The following SGCG variants were observed in gnomAD, a reference collection of about 807,000 sequenced individuals.
SGCG encodes the protein gamma-sarcoglycan.
SGCG carries 26 observed loss-of-function variants against 29.3 expected under a neutral mutation model. The ratio of observed to expected loss-of-function variants is 0.89; its 90% CI spans 0.65 to 1.23. The LOEUF (loss-of-function observed/expected upper bound fraction) is 1.23. Among genes scored for constraint, SGCG ranks in the 50% most tolerant of loss-of-function variants. SGCG has a pLI of 0.00. For missense variants in SGCG, 353 were observed against 356.0 expected, an observed-to-expected ratio of 0.99 and a Z score of 0.07; for synonymous variants, 145 against 129.7, an observed-to-expected ratio of 1.12 and a Z score of -0.80.
At chr13:23,275,239 G>A (rs1041342314) in intron 4 of SGCG, among the ~76,000 whole-genome samples, 1 of 151,708 alleles carries the variant, frequency 6.6e-6, no homozygotes, top group Non-Finnish European at 1.5e-5. Flanking sequence ...ATCTGGCTGG[G>A]TGCAGTGGCT....
intron 6 of SGCG, among the ~76,000 whole-genome samples, chr13:23,306,498 T>G (rs1882365889): frequency 6.6e-6 from 1 of 152,240 alleles, no homozygotes; most frequent in African/African-American, 2.4e-5. Context: ...GAAAGTAGTC[T>G]CATAGGAATT....
At chr13:23,184,613 C>T (rs1876895883) in intron 1 of SGCG, among the ~76,000 whole-genome samples, 1 of 152,124 alleles carries the variant, frequency 6.6e-6, no homozygotes, top group South Asian at 2.1e-4. Flanking sequence ...GTAGGCTGGT[C>T]CCCTTCACAG....
chr13:23,258,146 C>T (rs1880271800), intron 4 of SGCG, among the ~76,000 whole-genome samples: 2 of 152,122 alleles, frequency 1.3e-5, no homozygotes, highest in Non-Finnish European at 2.9e-5. Context: ...GCAGTATGGC[C>T]GTTTTCACGA....
intron 1 of SGCG, among the ~76,000 whole-genome samples, chr13:23,198,289 T>C (rs572919): frequency 0.24 from 36,317 of 152,080 alleles, 4,609 homozygotes; most frequent in African/African-American, 0.3. Context: ...TGACAATAAA[T>C]GTTGGTTGAA....
At chr13:23,287,401 G>A (rs995483574) in intron 5 of SGCG, among the ~76,000 whole-genome samples, 5 of 120,094 alleles carry the variant, frequency 4.2e-5, no homozygotes, top group African/African-American at 1.3e-4. Flanking sequence ...CAAGCACAAA[G>A]AACTGAATGA....
chr13:23,203,904 T>C lies in SGCG; in HGVS notation c.195+15T>C. ...GGTTTTCTCCAGTAAGTATCATTAT[T>C]TTCTGGTAAGCATGTTCTTGTTTTG... On this transcript the variant is annotated intron_variant, in intron 2 of 7. Transcript: ENST00000218867. 2 of 1,559,340 alleles carry C rather than the reference T, an allele frequency of 1.3e-6. No homozygotes were observed. Among genetic ancestry groups the C allele is most frequent in the Non-Finnish European group, 1.8e-6 (2 of 1,130,268 alleles).
chr13:23,186,331 C>A (rs1876970353), intron 1 of SGCG, among the ~76,000 whole-genome samples: 1 of 152,206 alleles, frequency 6.6e-6, no homozygotes, highest in South Asian at 2.1e-4. Context: ...ATATTCTTCC[C>A]AGACAATTCT....
intron 2 of SGCG, among the ~76,000 whole-genome samples, chr13:23,230,938 C>G (rs1220776317): frequency 6.6e-6 from 1 of 152,112 alleles, no homozygotes; most frequent in Non-Finnish European, 1.5e-5. Context: ...TCATAGAAGT[C>G]TCATTATTTT....
chr13:23,193,816 T>C (rs1236938149), intron 1 of SGCG, among the ~76,000 whole-genome samples: 2 of 151,964 alleles, frequency 1.3e-5, no homozygotes, highest in African/African-American at 4.8e-5. Context: ...ATGAATAGGA[T>C]CACCTTGAAA....
intron 1 of SGCG, among the ~76,000 whole-genome samples, chr13:23,185,215 C>G (rs1471285042): frequency 6.6e-6 from 1 of 152,180 alleles, no homozygotes; most frequent in African/African-American, 2.4e-5. Flanking sequence ...TCTGAGAATT[C>G]CATCAGCATA....
intron 2 of SGCG, among the ~76,000 whole-genome samples, chr13:23,232,674 C>T (rs549768217): frequency 1.4e-3 from 216 of 151,956 alleles, no homozygotes; most frequent in Middle Eastern, 0.01. Context: ...CCCAGCTACT[C>T]GGGAGGCTGA....
intron 6 of SGCG, among the ~76,000 whole-genome samples, chr13:23,299,407 CATATATATAT>C (rs1191940207): frequency 5.4e-3 from 126 of 23,548 alleles, no homozygotes; most frequent in Admixed American, 9.0e-3. Context: ...TCTTAGTTGG[CATATATATAT>C]ATATATATAT....
At chr13:23,263,184 A>G (rs1418561013) in intron 4 of SGCG, among the ~76,000 whole-genome samples, 1 of 152,146 alleles carries the variant, frequency 6.6e-6, no homozygotes, top group African/African-American at 2.4e-5. Context: ...ACAAAAGATC[A>G]ATGAAACAAA....
intron 6 of SGCG, among the ~76,000 whole-genome samples, chr13:23,309,051 T>G (rs911146034): frequency 2.6e-5 from 4 of 152,136 alleles, no homozygotes; most frequent in Non-Finnish European, 4.4e-5. Context: ...ATTCTCCATT[T>G]AGGTTTGGCC....
rs889771766 is a variant in SGCG at position 23,244,243 on chromosome 13, C to A, written c.298-6387C>A. The A allele has an allele frequency of 2.6e-5, 4 of 152,118 alleles. No homozygotes were observed. The East Asian group carries it at 7.7e-4, about 29-fold the overall frequency. The allele number at this position is 152,118 out of a possible 1,614,324, so 9.4% of individuals were successfully genotyped here. ...GATAACAGAGAAAGTATAAACAAAA[C>A]CGCCGTATCAGGATCACTGTATCGT... On this transcript the variant is annotated intron_variant, in intron 3 of 7. Transcript: ENST00000218867.
At chr13:23,175,446 C>A in the SGCG span, among the ~76,000 whole-genome samples, 1 of 152,198 alleles carries the variant, frequency 6.6e-6, no homozygotes, top group African/African-American at 2.4e-5. Context: ...ATCACACTTA[C>A]ATTCTCTGCC....
At chr13:23,322,771 TCCCCCCC>T (rs79538128) in intron 7 of SGCG, among the ~76,000 whole-genome samples, 2 of 59,854 alleles carry the variant, frequency 3.3e-5, no homozygotes, top group South Asian at 1.0e-3. Context: ...CCCATCCACC[TCCCCCCC>T]CCCCCCCCCC....
At chr13:23,197,436 G>A (rs1423774918) in intron 1 of SGCG, among the ~76,000 whole-genome samples, 1 of 152,160 alleles carries the variant, frequency 6.6e-6, no homozygotes, top group Non-Finnish European at 1.5e-5. Flanking sequence ...TAATTTTTCA[G>A]GAGTTTTCAG....
chr13:23,242,861 A>T (rs1370863693), intron 3 of SGCG, among the ~76,000 whole-genome samples: 2 of 152,150 alleles, frequency 1.3e-5, no homozygotes, highest in East Asian at 3.8e-4. Flanking sequence ...AAATAGTTTT[A>T]AAAAGTCAAA....
Sources: allele counts gnomAD v4.1 joint callset (sites outside exome capture counted in the v4.1 genomes callset), GRCh38; gene constraint gnomAD v4.1.1; transcripts MANE v1.5; gene names NCBI Gene and HGNC (gene_info 2026-07-23, HGNC 2026-07-21).